The following ITGA11 variants were observed in gnomAD, a reference collection of about 807,000 sequenced individuals.
ITGA11 encodes integrin alpha-11.
A neutral mutation model predicts 141.9 loss-of-function variants in ITGA11; 97 were observed. The ratio of observed to expected loss-of-function variants is 0.68; its 90% CI spans 0.58 to 0.81. The LOEUF (loss-of-function observed/expected upper bound fraction) is 0.81, where lower values mean the gene tolerates loss of function less well. Ranked by LOEUF, ITGA11 falls within the 30% of genes least tolerant of loss-of-function variation. The pLI, the probability that ITGA11 is intolerant of heterozygous loss-of-function variation, is 0.00. For missense variants in ITGA11, 1,387 were observed against 1,559.2 expected, an observed-to-expected ratio of 0.89 and a Z score of 1.86; for synonymous variants, 658 against 624.6, an observed-to-expected ratio of 1.05 and a Z score of -0.80.
rs1391783420 is a variant in ITGA11, at chr15:68,301,839, C to T, written c.*1220G>A. Reference sequence around the variant, plus strand: ...AACAAGACTAAGGCATAAATTACTCCACTGGGCGCCAGGCACGCCCCTTGT... The same window carrying T: ...AACAAGACTAAGGCATAAATTACTCTACTGGGCGCCAGGCACGCCCCTTGT... On this transcript the variant is annotated 3_prime_UTR_variant, in exon 30 of 30. Transcript: ENST00000315757. The surrounding 1 kb of genome is among the most constrained non-coding windows in gnomAD (Gnocchi z 4.4). 6.6e-6 allele frequency: 1 copy of T among 152,640 alleles called. No individual in the cohort carries two copies. Among genetic ancestry groups the T allele is most frequent in the Non-Finnish European group, 1.5e-5 (1 of 68,062 alleles). 9.5% of individuals were successfully genotyped at this position (152,640 alleles called of 1,614,324 possible).
At chr15:68,359,023 C>T (rs1001561474) in intron 5 of ITGA11, among the ~76,000 whole-genome samples, 1 of 152,194 alleles carries the variant, frequency 6.6e-6, no homozygotes, top group Non-Finnish European at 1.5e-5. Context: ...TGGGATGTGG[C>T]ATCACACTGA....
chr15:68,419,266 C>T (rs911371042), intron 1 of ITGA11, among the ~76,000 whole-genome samples: 1 of 152,156 alleles, frequency 6.6e-6, no homozygotes, highest in Non-Finnish European at 1.5e-5. Context: ...GGTTGCAAAA[C>T]GATCTCAAAT....
chr15:68,350,360 AT>A (rs957609152), intron 9 of ITGA11, among the ~76,000 whole-genome samples: 7 of 143,598 alleles, frequency 4.9e-5, no homozygotes, highest in East Asian at 2.0e-4. Context: ...AATTTTTGTA[AT>A]TTTTTTTTTA....
At chr15:68,389,698 C>T in intron 2 of ITGA11, among the ~76,000 whole-genome samples, 1 of 152,210 alleles carries the variant, frequency 6.6e-6, no homozygotes, top group South Asian at 2.1e-4. Context: ...TAGAGAGTCC[C>T]CTTTTGGAGC....
At chr15:68,423,544 T>C (rs986555469) in intron 1 of ITGA11, among the ~76,000 whole-genome samples, 6 of 152,188 alleles carry the variant, frequency 3.9e-5, no homozygotes, top group Admixed American at 1.3e-4. Flanking sequence ...GAGTCCTGAA[T>C]GCAGGCCAGG....
In ITGA11 at chr15:68,332,594, G is replaced by T; in HGVS notation, c.1426-116C>A. On this transcript the variant is annotated intron_variant, in intron 12 of 29. Coordinates refer to ENST00000315757, the MANE Select transcript of ITGA11 (RefSeq NM_001004439.2). ...CATCCTTTGACTCAGAATTTTTGGTGAACAAATGGATCCTCCCTTCTCACG... is the reference window on the plus strand; with the variant it reads ...CATCCTTTGACTCAGAATTTTTGGTTAACAAATGGATCCTCCCTTCTCACG... The T allele has an allele frequency of 8.6e-6, 10 of 1,158,850 alleles. No individual in the cohort carries two copies. In the South Asian group the frequency reaches 1.6e-4, roughly 18 times the overall value. The allele number at this position is 1,158,850 out of a possible 1,614,324, so 71.8% of individuals were successfully genotyped here.
At chr15:68,395,506 C>T (rs1896210498) in intron 2 of ITGA11, among the ~76,000 whole-genome samples, 1 of 150,892 alleles carries the variant, frequency 6.6e-6, no homozygotes, top group South Asian at 2.1e-4. Context: ...AGCTGAAAAC[C>T]ATGGCACAAG....
intron 11 of ITGA11, 97 bp downstream of exon 11, chr15:68,339,403 G>T: frequency 7.3e-7 from 1 of 1,365,130 alleles, no homozygotes. Flanking sequence ...AATATACACA[G>T]CAGGCCCCTC....
chr15:68,339,088 A>C (rs1894470376), intron 11 of ITGA11, among the ~76,000 whole-genome samples: 1 of 152,220 alleles, frequency 6.6e-6, no homozygotes, highest in Non-Finnish European at 1.5e-5. Flanking sequence ...CTTGATTATG[A>C]ACATTAAGAA....
chr15:68,379,064 A>G (rs1396493002), intron 2 of ITGA11, among the ~76,000 whole-genome samples: 2 of 152,220 alleles, frequency 1.3e-5, no homozygotes, highest in African/African-American at 4.8e-5. Context: ...AACTTGTGCC[A>G]TTTACAGTGT....
rs1009275244 is a variant in ITGA11 at position 68,317,484 on chromosome 15, A to G, written c.2617-121T>C. 3 of 729,104 alleles carry G rather than the reference A, an allele frequency of 4.1e-6. No individual in the cohort carries two copies. In the East Asian group the frequency reaches 7.7e-5, roughly 19 times the overall value. The allele number at this position is 729,104 out of a possible 1,614,324, so 45.2% of individuals were successfully genotyped here. ...GGGGCCGCCTCAGCCCCTGATACCCATATGAAAGCCTGGACCACAGCCCTT... is the reference window on the plus strand; with the variant it reads ...GGGGCCGCCTCAGCCCCTGATACCCGTATGAAAGCCTGGACCACAGCCCTT... On this transcript the variant is annotated intron_variant, in intron 20 of 29. Transcript: ENST00000315757.
intron 14 of ITGA11, among the ~76,000 whole-genome samples, 179 bp downstream of exon 14, chr15:68,331,680 G>A (rs1285886025): frequency 6.6e-6 from 1 of 152,030 alleles, no homozygotes; most frequent in Non-Finnish European, 1.5e-5. Context: ...GGTCCTGAAG[G>A]TAAAATGTGC....
At chr15:68,405,967 G>T (rs1357124861) in intron 1 of ITGA11, among the ~76,000 whole-genome samples, 1 of 152,158 alleles carries the variant, frequency 6.6e-6, no homozygotes, top group Non-Finnish European at 1.5e-5. Context: ...ATTGTGGACG[G>T]CACTTTGCCT....
chr15:68,376,744 C>T (rs368858851), intron 2 of ITGA11, among the ~76,000 whole-genome samples: 1 of 152,256 alleles, frequency 6.6e-6, no homozygotes, highest in African/African-American at 2.4e-5. Flanking sequence ...CTCATCTACC[C>T]AAAGGGACTG....
chr15:68,358,867 C>T lies in ITGA11; in HGVS notation c.473-282G>A, dbSNP rs544604385. 8.5e-5 allele frequency among the ~76,000 whole-genome samples: 13 copies of T among 152,342 alleles called. No individual in the cohort carries two copies. The East Asian group carries it at 1.9e-3, about 23-fold the overall frequency. On this transcript the variant is annotated intron_variant, in intron 5 of 29. Coordinates refer to ENST00000315757, the MANE Select transcript of ITGA11 (RefSeq NM_001004439.2). ...AGACTGACCACTACCAATCGGCCAA[C>T]GCTTCCGAGGCAGCCAGCACTGCTC...
At chr15:68,354,004 A>G (rs1262001252) in intron 7 of ITGA11, among the ~76,000 whole-genome samples, 1 of 150,554 alleles carries the variant, frequency 6.6e-6, no homozygotes, top group African/African-American at 2.5e-5. Flanking sequence ...CTTGCCAACA[A>G]CTCCCTCACC....
rs1897005460 is a variant in ITGA11 at position 68,420,999 on chromosome 15, ACTGCCT to A, written c.52+11010_52+11015del. Among the ~76,000 whole-genome samples, 3 of 57,984 alleles carry A rather than the reference ACTGCCT, an allele frequency of 5.2e-5. 1 individual carries two copies. Among genetic ancestry groups the A allele is most frequent in the Non-Finnish European group, 3.4e-5 (1 of 29,728 alleles). 38.0% of individuals were successfully genotyped at this position (57,984 alleles called of 152,430 possible). ...CAATGGGAGAAGCATGTTGGAGTAA[ACTGCCT>A]GAGGTTTGGTGGGCAGGATGCCGGA... On this transcript the variant is annotated intron_variant, in intron 1 of 29. Transcript: ENST00000315757.
intron 2 of ITGA11, among the ~76,000 whole-genome samples, chr15:68,372,466 G>A (rs183171603): frequency 6.6e-5 from 10 of 152,184 alleles, no homozygotes; most frequent in African/African-American, 2.2e-4. Flanking sequence ...GCGAGCATCC[G>A]GCCCTTTCCA....
chr15:68,344,631 G>C (rs1894686903), intron 10 of ITGA11, among the ~76,000 whole-genome samples: 1 of 151,936 alleles, frequency 6.6e-6, no homozygotes, highest in Non-Finnish European at 1.5e-5. Context: ...GAAGCGGAGG[G>C]AGAAAGAGGA....
Sources: gnomAD v4.1 joint callset for allele counts (sites outside exome capture counted in the v4.1 genomes callset) on GRCh38, gnomAD v4.1.1 for gene constraint, Gnocchi (gnomAD v3.1) non-coding constraint, MANE v1.5 for transcripts, NCBI Gene and HGNC (gene_info 2026-07-23, HGNC 2026-07-21) for gene names.